SBF2: variants seen among roughly 807,000 people sequenced by gnomAD.
SBF2 encodes the protein myotubularin-related protein 13.
A neutral mutation model predicts 225.2 loss-of-function variants in SBF2; 112 were observed. The observed-to-expected ratio is 0.50, with a 90% CI of 0.43 to 0.58. The LOEUF (loss-of-function observed/expected upper bound fraction) is 0.58. Among genes scored for constraint, SBF2 ranks in the 20% least tolerant of loss-of-function variants. The pLI is 0.00. For synonymous variants in SBF2, 763 were observed against 773.3 expected (o/e 0.99, Z 0.22); for missense variants, 1,996 against 2,206.2 (o/e 0.90, Z 1.91).
At chr11:10,266,907 A>G (rs1962051614) in intron 1 of SBF2, among the ~76,000 whole-genome samples, 1 of 152,190 alleles carries the variant, frequency 6.6e-6, no homozygotes, top group Non-Finnish European at 1.5e-5. Flanking sequence ...TGGCCACCAC[A>G]GTAAAACCCC....
intron 16 of SBF2, chr11:9,959,392 G>A (rs1866411178): frequency 1.2e-6 from 1 of 825,644 alleles, no homozygotes; most frequent in East Asian, 2.4e-5. Context: ...CTGTCCCCAT[G>A]AGATTATATA....
At chr11:10,109,089 A>G (rs947446361) in intron 2 of SBF2, among the ~76,000 whole-genome samples, 1 of 152,134 alleles carries the variant, frequency 6.6e-6, no homozygotes, top group Non-Finnish European at 1.5e-5. Flanking sequence ...AATATGCTGA[A>G]CATAAAAATT....
At chr11:9,848,685 T>C (rs535950371) in intron 22 of SBF2, among the ~76,000 whole-genome samples, 64 of 152,394 alleles carry the variant, frequency 4.2e-4, no homozygotes, top group African/African-American at 1.4e-3. Flanking sequence ...TTGTAAGTAC[T>C]GCATAGTTTC....
intron 17 of SBF2, among the ~76,000 whole-genome samples, chr11:9,865,017 C>A (rs1242413044): frequency 1.3e-5 from 2 of 152,036 alleles, no homozygotes; most frequent in African/African-American, 4.8e-5. Context: ...CTCAAGTGAT[C>A]CTCCCACCTC....
chr11:9,935,551 A>G (rs1318660254), intron 16 of SBF2, among the ~76,000 whole-genome samples: 1 of 152,226 alleles, frequency 6.6e-6, no homozygotes, highest in Non-Finnish European at 1.5e-5. Flanking sequence ...ACCTGACTTC[A>G]AACTATACTA....
At chr11:10,047,263 A>T (rs573243315) in intron 2 of SBF2, among the ~76,000 whole-genome samples, 1 of 152,296 alleles carries the variant, frequency 6.6e-6, no homozygotes, top group South Asian at 2.1e-4. Context: ...ATGGATATTA[A>T]CAAAATGATC....
intron 1 of SBF2, among the ~76,000 whole-genome samples, chr11:10,252,817 T>C (rs1960498253): frequency 7.8e-6 from 1 of 127,604 alleles, no homozygotes; most frequent in African/African-American, 2.7e-5. Flanking sequence ...CGAGACTCTG[T>C]CTCAAAAAAA....
intron 1 of SBF2, among the ~76,000 whole-genome samples, chr11:10,275,095 A>AAAGGATCAGTCCAGAAACTAAGTCCAT: frequency 6.6e-6 from 1 of 152,228 alleles, no homozygotes; most frequent in Non-Finnish European, 1.5e-5. Flanking sequence ...AGCCAGGGAG[A>AAAGGATCAGTCCAGAAACTAAGTCCAT]AAGGATCAGT....
chr11:10,140,461 G>A (rs998938197), intron 2 of SBF2, among the ~76,000 whole-genome samples: 2 of 152,192 alleles, frequency 1.3e-5, no homozygotes, highest in Non-Finnish European at 2.9e-5. Context: ...CTGGGTTGGT[G>A]AACACATGGA....
upstream of SBF2, among the ~76,000 whole-genome samples, chr11:10,296,782 C>A (rs1964553229): frequency 6.6e-6 from 1 of 152,196 alleles, no homozygotes. Context: ...TCTGTTACTA[C>A]TGTTTTCCAC....
At chr11:10,128,721 T>G (rs191474563) in intron 2 of SBF2, among the ~76,000 whole-genome samples, 17 of 152,210 alleles carry the variant, frequency 1.1e-4, no homozygotes. Context: ...ACAGTATACT[T>G]TGGCAGTTTT....
chr11:9,991,187 T>C (rs1314951695), intron 12 of SBF2, among the ~76,000 whole-genome samples: 1 of 152,232 alleles, frequency 6.6e-6, no homozygotes, highest in Non-Finnish European at 1.5e-5. Flanking sequence ...TAACCAATCA[T>C]ATTAGATGGT....
intron 2 of SBF2, among the ~76,000 whole-genome samples, chr11:10,142,609 A>T (rs190264421): frequency 2.4e-4 from 36 of 152,336 alleles, no homozygotes; most frequent in Admixed American, 2.1e-3. Context: ...AATTTAACAA[A>T]TGATAGGATA....
chr11:10,076,852 C>T (rs774848193), intron 2 of SBF2, among the ~76,000 whole-genome samples: 1 of 152,220 alleles, frequency 6.6e-6, no homozygotes, highest in Non-Finnish European at 1.5e-5. Flanking sequence ...AGCACTTGTG[C>T]TTGGTGTTGG....
chr11:10,187,342 C>A (rs1371003013), intron 2 of SBF2, among the ~76,000 whole-genome samples: 2 of 151,908 alleles, frequency 1.3e-5, no homozygotes, highest in East Asian at 3.9e-4. Context: ...CCCCTCTCCA[C>A]CTGCCTCAGA....
Position 9,992,398 on chromosome 11 carries a change from T to A in SBF2, c.1296+17A>T. The A allele has an allele frequency of 6.2e-7, 1 of 1,605,634 alleles. No homozygotes were observed. Among genetic ancestry groups the A allele is most frequent in the Non-Finnish European group, 8.5e-7 (1 of 1,175,022 alleles). Reference sequence around the variant, plus strand: ...ATTATGTCTATAAATAATGCCTTCATTTAATAAGAGCTATACCTCATCAAA... The same window carrying A: ...ATTATGTCTATAAATAATGCCTTCAATTAATAAGAGCTATACCTCATCAAA... On this transcript the variant is annotated intron_variant, in intron 12 of 39. Transcript: ENST00000256190.
At chr11:9,904,784 G>A (rs1175590212) in intron 16 of SBF2, among the ~76,000 whole-genome samples, 4 of 152,190 alleles carry the variant, frequency 2.6e-5, no homozygotes, top group Admixed American at 2.6e-4. Context: ...CAGAACTTTG[G>A]GAGGCCGAGG....
At chr11:9,812,486 C>T in intron 30 of SBF2, 46 bp downstream of exon 30, 1 of 1,600,664 alleles carries the variant, frequency 6.2e-7, no homozygotes, top group Non-Finnish European at 8.6e-7. Context: ...CTACTTGGGC[C>T]TCTGTTTCTT....
intron 16 of SBF2, among the ~76,000 whole-genome samples, chr11:9,906,518 C>T (rs1343896923): frequency 6.6e-6 from 1 of 152,154 alleles, no homozygotes; most frequent in East Asian, 1.9e-4. Context: ...ATGTCTCAAA[C>T]CTGTGTGCTG....
Sources: allele counts gnomAD v4.1 joint callset (sites outside exome capture counted in the v4.1 genomes callset), GRCh38; gene constraint gnomAD v4.1.1; transcripts MANE v1.5; gene names NCBI Gene and HGNC (gene_info 2026-07-23, HGNC 2026-07-21).